The following ZBTB18 variants were observed in gnomAD, a reference collection of about 807,000 sequenced individuals.
ZBTB18 encodes the protein zinc finger and BTB domain-containing protein 18.
A neutral mutation model predicts 37.7 loss-of-function variants in ZBTB18; 2 were observed. The ratio of observed to expected loss-of-function variants is 0.05; its 90% CI spans 0.02 to 0.17. The LOEUF is 0.17. ZBTB18 is among the 10% of genes least tolerant of loss of function. ZBTB18 has a pLI of 1.00. For synonymous variants in ZBTB18, 304 were observed against 276.5 expected (o/e 1.10, Z -0.99); for missense variants, 408 against 686.3 (o/e 0.59, Z 4.53).
chr1:244,055,024 A>C lies in ZBTB18; in HGVS notation c.1250A>C (p.Asn417Thr), dbSNP rs778135558. ...GIRSKPAADV[N>T]VPTCSLCGKT... ...CGCAGCAAGCCCGCCGCCGATGTCA[A>C]CGTGCCCACGTGCTCGCTGTGTGGG... The change falls in exon 2 of 2, where the codon AAC becomes ACC. Residue 417 changes from asparagine to threonine, a missense_variant. Asn to Thr is a moderately conservative substitution (Grantham distance 65, BLOSUM62 0). Around this residue, in one of 4 missense-constraint regions of ZBTB18, gnomAD observed 266 missense variants for 312.0 expected, o/e 0.85. Transcript: ENST00000358704. The surrounding 1 kb of genome is among the most constrained non-coding windows in gnomAD (Gnocchi z 7.0). 35 of 1,614,188 alleles carry C rather than the reference A, an allele frequency of 2.2e-5. No individual in the cohort carries two copies. Among genetic ancestry groups the C allele is most frequent in the Non-Finnish European group, 3.0e-5 (35 of 1,180,034 alleles).
rs1698438755 is a variant in ZBTB18 at position 244,055,186 on chromosome 1, G to A, written c.1412G>A (p.Arg471His). ...AGCCGCCATGCCGTGGTGCACACCC[G>A]CGAGAAGCCGCACGCCTGCAAGTGG... Reference protein sequence around the residue: ...NLSRHAVVHTREKPHACKWCE... With the variant: ...NLSRHAVVHTHEKPHACKWCE... Residue 471 changes from arginine to histidine, a missense_variant, in exon 2 of 2, where the codon CGC becomes CAC. Around this residue, in one of 4 missense-constraint regions of ZBTB18, gnomAD observed 25 missense variants for 117.3 expected, o/e 0.21. Transcript: ENST00000358704. The surrounding 1 kb of genome is among the most constrained non-coding windows in gnomAD (Gnocchi z 7.0). 1.2e-6 allele frequency: 2 copies of A among 1,614,018 alleles called. No homozygotes were observed. The highest frequency in any genetic ancestry group is 1.7e-6 in the Non-Finnish European group (2 of 1,180,022).
rs1353101831 is a variant in ZBTB18 at position 244,053,644 on chromosome 1, G to A, written c.14-144G>A. 19 of 1,210,822 alleles carry A rather than the reference G, an allele frequency of 1.6e-5. No individual in the cohort carries two copies. Among genetic ancestry groups the A allele is most frequent in the East Asian group, 5.1e-5 (2 of 39,218 alleles). The allele number at this position is 1,210,822 out of a possible 1,614,324, so 75.0% of individuals were successfully genotyped here. A position where few individuals can be genotyped will look rare whatever the true frequency, so the allele number is the denominator to read the frequency against. ...CATTTAGGTCTTGTCCGTGTGATTT[G>A]GTGGTGCTTGGGTCATAAGCCTGAT... On this transcript the variant is annotated intron_variant, in intron 1 of 1. Coordinates refer to ENST00000358704, the MANE Select transcript of ZBTB18 (RefSeq NM_205768.3). The surrounding 1 kb of genome is among the most constrained non-coding windows in gnomAD (Gnocchi z 5.2).
Position 244,053,628 on chromosome 1 carries a change from C to G in ZBTB18, c.14-160C>G. 1.5e-6 allele frequency: 1 copy of G among 654,814 alleles called. No individual in the cohort carries two copies. Among genetic ancestry groups the G allele is most frequent in the Non-Finnish European group, 1.9e-6 (1 of 528,136 alleles). The allele number at this position is 654,814 out of a possible 1,614,324, so 40.6% of individuals were successfully genotyped here. On this transcript the variant is annotated intron_variant, in intron 1 of 1. Transcript: ENST00000358704. This position sits in a 1 kb window ranked among gnomAD's most constrained non-coding sequence, Gnocchi z 5.2. ...TGCATTTTCCTTCTGGCATTTAGGT[C>G]TTGTCCGTGTGATTTGGTGGTGCTT... is the stretch of plus-strand genomic sequence containing the variant.
upstream of ZBTB18, among the ~76,000 whole-genome samples, chr1:244,050,201 C>T (rs906261502): frequency 6.6e-6 from 1 of 152,202 alleles, no homozygotes; most frequent in Non-Finnish European, 1.5e-5. Context: ...ACGCTGGCGC[C>T]TCAGGCCCCA....
rs375286592 is a variant in ZBTB18, at chr1:244,055,073, C to A, written c.1299C>A (p.Thr433=). 2.7e-4 allele frequency: 437 copies of A among 1,614,098 alleles called. No homozygotes were observed. Among genetic ancestry groups the A allele is most frequent in the Middle Eastern group, 4.9e-4 (3 of 6,084 alleles). ...LCGKTFSCMY[T]LKRHERTHSG... ...GGAAGACTTTCTCTTGCATGTACAC[C>A]CTCAAGCGCCACGAGAGGACTCACT... Residue 433 remains threonine (T), a synonymous_variant, in exon 2 of 2, where the codon ACC becomes ACA. Transcript: ENST00000358704. The surrounding 1 kb of genome is among the most constrained non-coding windows in gnomAD (Gnocchi z 7.0).
intron 1 of ZBTB18, among the ~76,000 whole-genome samples, chr1:244,051,813 TATATG>T (rs929178395): frequency 1.2e-4 from 18 of 152,192 alleles, no homozygotes; most frequent in African/African-American, 4.1e-4. Flanking sequence ...CATTCAAACT[TATATG>T]AGAAGATTAT....
In ZBTB18 at chr1:244,054,359, A is replaced by G. The variant is rs766105292; in HGVS notation, c.585A>G (p.Arg195=). The stretch of plus-strand genomic sequence containing the variant: ...CCGAGCCTGGGAACATGTGGATGCG[A>G]TTGCCCTCAGACTCAGCAGGCATCC... The part of the protein sequence containing the change: ...LAAEPGNMWM[R]LPSDSAGIPQ... The change falls in exon 2 of 2, where the codon CGA becomes CGG. Residue 195 remains arginine (R), a synonymous_variant. Transcript: ENST00000358704. This position sits in a 1 kb window ranked among gnomAD's most constrained non-coding sequence, Gnocchi z 9.0. 1.2e-6 allele frequency: 2 copies of G among 1,614,160 alleles called. No homozygotes were observed. Among genetic ancestry groups the G allele is most frequent in the Non-Finnish European group, 1.7e-6 (2 of 1,180,034 alleles).
chr1:244,055,054 C>T lies in ZBTB18; in HGVS notation c.1280C>T (p.Thr427Ile). The change falls in exon 2 of 2, where the codon ACT (threonine) becomes ATT (isoleucine). Residue 427 changes from threonine to isoleucine, a missense_variant. Thr to Ile is a moderately conservative substitution (Grantham distance 89, BLOSUM62 -1). Around this residue, in one of 4 missense-constraint regions of ZBTB18, gnomAD observed 25 missense variants for 117.3 expected, o/e 0.21. Coordinates refer to ENST00000358704, the MANE Select transcript of ZBTB18 (RefSeq NM_205768.3). The surrounding 1 kb of genome is among the most constrained non-coding windows in gnomAD (Gnocchi z 7.0). Reference sequence around the variant, plus strand: ...CCCACGTGCTCGCTGTGTGGGAAGACTTTCTCTTGCATGTACACCCTCAAG... The same window carrying T: ...CCCACGTGCTCGCTGTGTGGGAAGATTTTCTCTTGCATGTACACCCTCAAG... ...NVPTCSLCGK[T>I]FSCMYTLKRH... 1 of 1,614,222 alleles carries T rather than the reference C, an allele frequency of 6.2e-7. No homozygotes were observed. The highest frequency in any genetic ancestry group is 8.5e-7 in the Non-Finnish European group (1 of 1,180,054).
intron 1 of ZBTB18, 157 bp downstream of exon 1, chr1:244,051,601 GT>G (rs1279952587): frequency 2.7e-6 from 1 of 373,630 alleles, no homozygotes; most frequent in Non-Finnish European, 3.7e-6. Flanking sequence ...TCTTGAGCTT[GT>G]TTAGTTTTAA....
At chr1:244,049,334 C>A (rs1210559843), upstream of ZBTB18, among the ~76,000 whole-genome samples, 11 of 145,248 alleles carry the variant, frequency 7.6e-5, no homozygotes, top group African/African-American at 2.8e-4. Flanking sequence ...GCTGCGGTGG[C>A]GCCTCTCGGG....
At chr1:244,050,291 G>C (rs906028637), upstream of ZBTB18, among the ~76,000 whole-genome samples, 31 of 152,132 alleles carry the variant, frequency 2.0e-4, no homozygotes, top group African/African-American at 7.2e-4. Context: ...ACCCTGCCCG[G>C]TACCGGTCAG....
rs1698484643 is a variant in ZBTB18, at chr1:244,056,844, A to AT, written c.*1478dup. On this transcript the variant is annotated 3_prime_UTR_variant, in exon 2 of 2. Coordinates refer to ENST00000358704, the MANE Select transcript of ZBTB18 (RefSeq NM_205768.3). Reference sequence around the variant, plus strand: ...AATGACCAGCACGCAAGGCAAAAGCATTTTGCACAGTGTTTGTTTTCCTGT... The same window carrying AT: ...AATGACCAGCACGCAAGGCAAAAGCATTTTTGCACAGTGTTTGTTTTCCTGT... The AT allele has an allele frequency of 1.2e-5, 2 of 167,058 alleles. No homozygotes were observed. The highest frequency in any genetic ancestry group is 2.9e-5 in the Non-Finnish European group (2 of 68,122). The allele number at this position is 167,058 out of a possible 1,614,324, so 10.3% of individuals were successfully genotyped here. A position where few individuals can be genotyped will look rare whatever the true frequency, so the allele number is the denominator to read the frequency against.
Position 244,051,344 on chromosome 1 carries a change from G to A in ZBTB18, c.-88G>A. On this transcript the variant is annotated 5_prime_UTR_variant, in exon 1 of 2. Transcript: ENST00000358704. The stretch of plus-strand genomic sequence containing the variant: ...TCCTCTCTAACATCATCTCCACTTT[G>A]CATCTGTCTCTCTTAGTCTGCTTTT... 4.2e-6 allele frequency: 6 copies of A among 1,430,826 alleles called. No homozygotes were observed. The South Asian group carries it at 5.9e-5, about 14-fold the overall frequency. 88.6% of individuals were successfully genotyped at this position (1,430,826 alleles called of 1,614,324 possible).
rs1295961097 is a variant in ZBTB18, at chr1:244,055,232, G to A, written c.1458G>A (p.Gln486=). 6.2e-7 allele frequency: 1 copy of A among 1,613,996 alleles called. No individual in the cohort carries two copies. Among genetic ancestry groups the A allele is most frequent in the African/African-American group, 1.3e-5 (1 of 74,932 alleles). Residue 486 remains glutamine (Q), a synonymous_variant, in exon 2 of 2, where the codon CAG becomes CAA. Coordinates refer to ENST00000358704, the MANE Select transcript of ZBTB18 (RefSeq NM_205768.3). The surrounding 1 kb of genome is among the most constrained non-coding windows in gnomAD (Gnocchi z 7.0). ...AGTGGTGCGAGCGCAGGTTCACGCA[G>A]TCCGGGGACCTGTACAGACACATTC... ...ACKWCERRFT[Q]SGDLYRHIRK... is the part of the protein sequence containing the mutation.
intron 1 of ZBTB18, among the ~76,000 whole-genome samples, chr1:244,051,980 C>A (rs1230198342): frequency 6.6e-6 from 1 of 152,156 alleles, no homozygotes; most frequent in Non-Finnish European, 1.5e-5. Context: ...CTTTTGTCCC[C>A]AGGAGAATAG....
Position 244,056,808 on chromosome 1 carries a change from C to CGTGT in ZBTB18, c.*1440_*1443dup, listed in dbSNP as rs1698483565. 1 of 167,034 alleles carries CGTGT rather than the reference C, an allele frequency of 6.0e-6. No individual in the cohort carries two copies. The highest frequency in any genetic ancestry group is 2.4e-5 in the African/African-American group (1 of 41,412). The allele number at this position is 167,034 out of a possible 1,614,324, so 10.3% of individuals were successfully genotyped here. ...TGCGGCAGCAGAGGCTGCAGCCTAA[C>CGTGT]GTGTGGTTTTAATGACCAGCACGCA... On this transcript the variant is annotated 3_prime_UTR_variant, in exon 2 of 2. Coordinates refer to ENST00000358704, the MANE Select transcript of ZBTB18 (RefSeq NM_205768.3).
chr1:244,049,598 C>G (rs1348543881), upstream of ZBTB18, among the ~76,000 whole-genome samples: 1 of 152,166 alleles, frequency 6.6e-6, no homozygotes, highest in Non-Finnish European at 1.5e-5. Context: ...TTTGTTGTTG[C>G]CGTGACCCGG....
intron 1 of ZBTB18, among the ~76,000 whole-genome samples, chr1:244,052,406 C>T (rs983274898): frequency 6.6e-6 from 1 of 152,154 alleles, no homozygotes; most frequent in Admixed American, 6.5e-5. Flanking sequence ...CAGAATGTGT[C>T]TGGGGTTAGG....
At chr1:244,049,085 C>T (rs1428773833), upstream of ZBTB18, 1 of 144,986 alleles carries the variant, frequency 6.9e-6, no homozygotes, top group African/African-American at 2.5e-5. Context: ...TGTGCGGCCC[C>T]GGCCGGCTGG....
Sources: allele counts gnomAD v4.1 joint callset (sites outside exome capture counted in the v4.1 genomes callset), GRCh38; gene constraint gnomAD v4.1.1; regional missense constraint gnomAD v4.1.1; non-coding constraint Gnocchi (gnomAD v3.1); transcripts MANE v1.5; gene names NCBI Gene and HGNC (gene_info 2026-07-23, HGNC 2026-07-21).